The following HEPACAM2 variants were observed in gnomAD, a reference collection of about 807,000 sequenced individuals.
HEPACAM2 encodes mitotic kinetics regulator.
Under a neutral mutation model 49.6 loss-of-function variants are expected in HEPACAM2, and 49 were observed. The ratio of observed to expected loss-of-function variants is 0.99; its 90% CI spans 0.78 to 1.25. The LOEUF (loss-of-function observed/expected upper bound fraction) is 1.25. HEPACAM2 is among the 50% of genes most tolerant of loss of function. The pLI, the probability that HEPACAM2 is intolerant of heterozygous loss-of-function variation, is 0.00. For synonymous variants in HEPACAM2, 197 were observed against 202.9 expected (o/e 0.97, Z 0.25); for missense variants, 525 against 557.2 (o/e 0.94, Z 0.58).
intron 2 of HEPACAM2, among the ~76,000 whole-genome samples, chr7:93,216,805 G>T (rs1794317843): frequency 6.6e-6 from 1 of 152,144 alleles, no homozygotes; most frequent in African/African-American, 2.4e-5. Context: ...AGATGATTGT[G>T]TCCAATGTTT....
intron 3 of HEPACAM2, among the ~76,000 whole-genome samples, chr7:93,210,791 A>G (rs1254554228): frequency 2.0e-5 from 3 of 151,966 alleles, no homozygotes; most frequent in African/African-American, 7.2e-5. Flanking sequence ...GTAACTAAAC[A>G]TTAGGGTAAC....
chr7:93,191,206 TACA>T (rs1562818602), intron 9 of HEPACAM2, among the ~76,000 whole-genome samples: 1 of 151,860 alleles, frequency 6.6e-6, no homozygotes, highest in Admixed American at 6.6e-5. Flanking sequence ...TGCAATGCTT[TACA>T]ACATTTTTTT....
At chr7:93,202,970 C>T (rs73415316) in intron 4 of HEPACAM2, among the ~76,000 whole-genome samples, 1,531 of 152,248 alleles carry the variant, frequency 0.01, 25 homozygotes, top group African/African-American at 0.034. Flanking sequence ...CACACATTCT[C>T]TCCTACAGAG....
At chr7:93,202,215 A>T (rs1793913306) in intron 4 of HEPACAM2, among the ~76,000 whole-genome samples, 1 of 150,860 alleles carries the variant, frequency 6.6e-6, no homozygotes, top group Non-Finnish European at 1.5e-5. Context: ...ACAATAAAAT[A>T]AAAACTAGCT....
intron 7 of HEPACAM2, among the ~76,000 whole-genome samples, chr7:93,196,672 AG>A (rs1302458822): frequency 6.6e-6 from 1 of 152,158 alleles, no homozygotes; most frequent in Admixed American, 6.6e-5. Flanking sequence ...AGGTGACATG[AG>A]GGGAAATAAA....
At chr7:93,211,075 A>G (rs1243177455) in intron 3 of HEPACAM2, among the ~76,000 whole-genome samples, 1 of 152,020 alleles carries the variant, frequency 6.6e-6, no homozygotes, top group Non-Finnish European at 1.5e-5. Flanking sequence ...TCATGTCAGC[A>G]TTTTCTGACC....
intron 7 of HEPACAM2, among the ~76,000 whole-genome samples, chr7:93,196,259 C>T (rs773070859): frequency 1.3e-5 from 2 of 152,166 alleles, no homozygotes; most frequent in South Asian, 4.1e-4. Flanking sequence ...TTGATCCACC[C>T]GTAATATCTA....
At chr7:93,202,033 A>AAAAAAAAAAAC (rs1793903400) in intron 4 of HEPACAM2, among the ~76,000 whole-genome samples, 1 of 14,626 alleles carries the variant, frequency 6.8e-5, no homozygotes, top group Non-Finnish European at 1.3e-4. Flanking sequence ...AAAAAAAACC[A>AAAAAAAAAAAC]AAAAAAAAAA....
intron 3 of HEPACAM2, among the ~76,000 whole-genome samples, chr7:93,215,091 T>C (rs1584349569): frequency 6.6e-6 from 1 of 152,208 alleles, no homozygotes; most frequent in Admixed American, 6.5e-5. Context: ...AGCCTCTGCA[T>C]TGTTCTGGGT....
intron 1 of HEPACAM2, among the ~76,000 whole-genome samples, chr7:93,223,689 G>T (rs1427443718): frequency 6.6e-6 from 1 of 152,128 alleles, no homozygotes; most frequent in East Asian, 1.9e-4. Flanking sequence ...TAGCACAGCT[G>T]TTACAGTAAC....
chr7:93,202,915 C>T (rs1793932150), intron 4 of HEPACAM2, among the ~76,000 whole-genome samples: 1 of 152,098 alleles, frequency 6.6e-6, no homozygotes, highest in Non-Finnish European at 1.5e-5. Context: ...TCATTTTTAA[C>T]TTTTTGTCCC....
chr7:93,215,397 T>C lies in HEPACAM2; in HGVS notation c.715+4A>G. 2 of 1,608,240 alleles carry C rather than the reference T, an allele frequency of 1.2e-6. No homozygotes were observed. The highest frequency in any genetic ancestry group is 1.7e-6 in the Non-Finnish European group (2 of 1,176,202). On this transcript the variant is annotated splice_donor_region_variant and intron_variant, in intron 3 of 9. Transcript: ENST00000394468. ...ACTCATGAGTTAAAAAAAAATAAAC[T>C]TACAATATATGATGGGCATAATGAT...
upstream of HEPACAM2, chr7:93,226,671 T>G (rs555902531): frequency 1.0e-5 from 4 of 391,352 alleles, no homozygotes; most frequent in African/African-American, 8.2e-5. Context: ...CAACTACCAG[T>G]AATTGTCTAT....
chr7:93,208,635 G>A lies in HEPACAM2; in HGVS notation c.957C>T (p.Asn319=), dbSNP rs1474878176. ...KTMDYVCCAY[N]NITGRQDETH... ...TTTCATCTTGCCTGCCGGTTATGTT[G>A]TTGTAAGCACAGCACACATAGTCCA... The change falls in exon 4 of 10, where the codon AAC becomes AAT. Residue 319 remains asparagine (N), a synonymous_variant. Coordinates refer to ENST00000394468, the MANE Select transcript of HEPACAM2 (RefSeq NM_001039372.4). 1 of 1,613,136 alleles carries A rather than the reference G, an allele frequency of 6.2e-7. No individual in the cohort carries two copies. The highest frequency in any genetic ancestry group is 2.2e-5 in the East Asian group (1 of 44,854).
At chr7:93,208,273 G>A (rs1794079472) in intron 4 of HEPACAM2, among the ~76,000 whole-genome samples, 1 of 151,956 alleles carries the variant, frequency 6.6e-6, no homozygotes, top group South Asian at 2.1e-4. Context: ...TGAACAGCCT[G>A]TTTCTCTTAT....
chr7:93,226,448 C>T lies in HEPACAM2; in HGVS notation c.-2G>A, dbSNP rs756526681. On this transcript the variant is annotated 5_prime_UTR_variant, in exon 1 of 10. It removes an upstream start codon present in the reference 5' UTR. Coordinates refer to ENST00000394468, the MANE Select transcript of HEPACAM2 (RefSeq NM_001039372.4). ...CTCCATGAAAGCATCCTGTCCCATG[C>T]ATGCAGTGCCCTGTTCTCAGTGGTA... 69 of 1,612,358 alleles carry T rather than the reference C, an allele frequency of 4.3e-5. No individual in the cohort carries two copies. Among genetic ancestry groups the T allele is most frequent in the Non-Finnish European group, 5.4e-5 (64 of 1,178,614 alleles).
chr7:93,211,526 G>C (rs573435473), intron 3 of HEPACAM2, among the ~76,000 whole-genome samples: 1 of 152,088 alleles, frequency 6.6e-6, no homozygotes, highest in African/African-American at 2.4e-5. Context: ...ATTTGTTTTT[G>C]CTCACTCAAC....
chr7:93,203,595 C>T (rs1793951209), intron 4 of HEPACAM2, among the ~76,000 whole-genome samples: 1 of 152,066 alleles, frequency 6.6e-6, no homozygotes. Flanking sequence ...ATGATGGACT[C>T]ATGTGCCAAA....
chr7:93,211,868 A>G (rs1182365741), intron 3 of HEPACAM2, among the ~76,000 whole-genome samples: 1 of 152,060 alleles, frequency 6.6e-6, no homozygotes, highest in Non-Finnish European at 1.5e-5. Flanking sequence ...TGTGGTCACG[A>G]AAATACAGCC....
Sources: allele counts gnomAD v4.1 joint callset (sites outside exome capture counted in the v4.1 genomes callset), GRCh38; gene constraint gnomAD v4.1.1; transcripts MANE v1.5; gene names NCBI Gene and HGNC (gene_info 2026-07-23, HGNC 2026-07-21).